Variants in ZNF567 observed in about 807,000 individuals in gnomAD.
ZNF567 encodes the protein zinc finger protein 567.
ZNF567 carries 36 observed loss-of-function variants against 53.9 expected under a neutral mutation model. The ratio of observed to expected loss-of-function variants is 0.67; its 90% CI spans 0.51 to 0.88. The LOEUF is 0.88. ZNF567 is among the 40% of genes least tolerant of loss of function. The probability of loss-of-function intolerance (pLI) is 0.00; values close to 1 mark genes in which losing one functional copy is unlikely to be tolerated. For synonymous variants in ZNF567, 224 were observed against 260.4 expected (o/e 0.86, Z 1.35); for missense variants, 619 against 764.7 (o/e 0.81, Z 2.25).
intron 3 of ZNF567, among the ~76,000 whole-genome samples, chr19:36,700,872 A>G: frequency 6.6e-6 from 1 of 151,970 alleles, no homozygotes; most frequent in East Asian, 1.9e-4. Flanking sequence ...TCAAAAAACC[A>G]GCTCCTGGAT....
the ZNF567 span, among the ~76,000 whole-genome samples, chr19:36,672,435 T>G: frequency 6.6e-6 from 1 of 152,152 alleles, no homozygotes; most frequent in Admixed American, 6.5e-5. Flanking sequence ...ATCGGGTGTA[T>G]AGGATGACCC....
downstream of ZNF567, among the ~76,000 whole-genome samples, chr19:36,726,125 G>T (rs1169028111): frequency 1.3e-5 from 2 of 151,966 alleles, no homozygotes; most frequent in African/African-American, 4.8e-5. Context: ...ATACTATTTG[G>T]TTATTTTGTA....
rs754238016 is a variant in ZNF567, at chr19:36,712,763, C to CT, written c.137-11dup. The CT allele has an allele frequency of 1.4e-5, 22 of 1,609,526 alleles. No homozygotes were observed. The highest frequency in any genetic ancestry group is 1.7e-5 in the Non-Finnish European group (20 of 1,177,606). ...GTATTATAGCCCAATCAACTTAAGT[C>CT]TTTTTTTCACTTTTCAGGGTGTCAC... On this transcript the variant is annotated splice_polypyrimidine_tract_variant and intron_variant, in intron 4 of 5. Coordinates refer to ENST00000682579, the MANE Select transcript of ZNF567 (RefSeq NM_001322917.1).
At chr19:36,695,202 T>G (rs1477168603) in intron 3 of ZNF567, among the ~76,000 whole-genome samples, 2 of 148,722 alleles carry the variant, frequency 1.3e-5, no homozygotes, top group East Asian at 2.0e-4. Flanking sequence ...CTGGGCAACA[T>G]AGAGAGATCC....
At chr19:36,702,672 A>G (rs1164873714) in intron 3 of ZNF567, among the ~76,000 whole-genome samples, 3 of 152,034 alleles carry the variant, frequency 2.0e-5, no homozygotes, top group Non-Finnish European at 4.4e-5. Flanking sequence ...CATTTCATTC[A>G]TTTGATCTTC....
the ZNF567 span, among the ~76,000 whole-genome samples, chr19:36,676,403 G>A: frequency 1.1e-4 from 16 of 150,196 alleles, no homozygotes; most frequent in East Asian, 1.6e-3. Flanking sequence ...TTAACAGTTC[G>A]TTCTGAGGAA....
At chr19:36,684,311 G>A (rs1358420296), upstream of ZNF567, among the ~76,000 whole-genome samples, 1 of 152,076 alleles carries the variant, frequency 6.6e-6, no homozygotes, top group Non-Finnish European at 1.5e-5. Context: ...TGTTCAAAGT[G>A]CTTTACTTTA....
chr19:36,686,533 GT>G (rs3215334), upstream of ZNF567: 102,070 of 151,898 alleles, frequency 0.67, 34,626 homozygotes, highest in East Asian at 0.82. Flanking sequence ...CAAAATTCAC[GT>G]TAAGTCTCCT....
chr19:36,698,776 T>A (rs2039023604), intron 3 of ZNF567, among the ~76,000 whole-genome samples: 1 of 152,052 alleles, frequency 6.6e-6, no homozygotes, highest in Non-Finnish European at 1.5e-5. Flanking sequence ...GGGGTTGTTT[T>A]TTTCTTGTAA....
chr19:36,691,829 G>A (rs1420306410), intron 2 of ZNF567, among the ~76,000 whole-genome samples: 3 of 152,010 alleles, frequency 2.0e-5, no homozygotes, highest in African/African-American at 7.3e-5. Flanking sequence ...TTTTTATTTT[G>A]CAGAGACAGA....
chr19:36,708,981 A>G (rs2039638182), intron 3 of ZNF567, among the ~76,000 whole-genome samples: 1 of 152,362 alleles, frequency 6.6e-6, no homozygotes, highest in African/African-American at 2.4e-5. Context: ...TAAATTAGTT[A>G]TGGTAAAAAT....
At position 36,704,642 on chromosome 19, in the gene ZNF567, T is replaced by G. The variant is rs114858903; in HGVS notation, c.10-7744T>G. ...GAATTTGCTAATATGTTGTTACTGA[T>G]TTTTCTTGTCTGTGGTTCATAATGG... On this transcript the variant is annotated intron_variant, in intron 3 of 5. Transcript: ENST00000682579. 9.6e-3 allele frequency among the ~76,000 whole-genome samples: 1,467 copies of G among 152,282 alleles called. 30 individuals are homozygous for G. Among genetic ancestry groups the G allele is most frequent in the African/African-American group, 0.033 (1,383 of 41,566 alleles).
At chr19:36,715,499 TAATAATAATA>T (rs1568711327) in intron 5 of ZNF567, among the ~76,000 whole-genome samples, 56 of 39,184 alleles carry the variant, frequency 1.4e-3, no homozygotes, top group Middle Eastern at 0.017. Flanking sequence ...ATAATAATAA[TAATAATAATA>T]ATTATTATTA....
intron 3 of ZNF567, among the ~76,000 whole-genome samples, chr19:36,699,256 G>T (rs1010905948): frequency 6.6e-6 from 1 of 152,066 alleles, no homozygotes; most frequent in African/African-American, 2.4e-5. Context: ...ATTTCTGAGG[G>T]CTCTGTTCTG....
At chr19:36,672,963 T>A in the ZNF567 span, among the ~76,000 whole-genome samples, 1 of 152,240 alleles carries the variant, frequency 6.6e-6, no homozygotes, top group Non-Finnish European at 1.5e-5. Context: ...CTAATTGTCA[T>A]GAATGTGTCT....
At chr19:36,667,558 G>A in the ZNF567 span, among the ~76,000 whole-genome samples, 1 of 151,674 alleles carries the variant, frequency 6.6e-6, no homozygotes, top group Non-Finnish European at 1.5e-5. Flanking sequence ...TTTATTTAGA[G>A]ACAGAGTCTT....
chr19:36,694,746 C>A, intron 2 of ZNF567, 56 bp from the exon 3 acceptor site: 1 of 820,558 alleles, frequency 1.2e-6, no homozygotes, highest in Non-Finnish European at 1.9e-6. Flanking sequence ...ATTATAAGAG[C>A]TGTGAGGCAC....
the ZNF567 span, among the ~76,000 whole-genome samples, chr19:36,677,019 A>T: frequency 6.6e-6 from 1 of 151,300 alleles, no homozygotes; most frequent in African/African-American, 2.4e-5. Flanking sequence ...GCTGGGTATG[A>T]TGGTGCATGC....
intron 3 of ZNF567, 98 bp downstream of exon 3, chr19:36,694,974 C>G: frequency 1.5e-6 from 2 of 1,321,674 alleles, no homozygotes; most frequent in South Asian, 1.4e-5. Flanking sequence ...ATCCTCCTAC[C>G]TATCTTTCCC....
Sources: allele counts gnomAD v4.1 joint callset (sites outside exome capture counted in the v4.1 genomes callset), GRCh38; gene constraint gnomAD v4.1.1; transcripts MANE v1.5; gene names NCBI Gene and HGNC (gene_info 2026-07-23, HGNC 2026-07-21).